Variants in RERE observed in about 807,000 individuals in gnomAD.
The protein encoded by RERE is arginine-glutamic acid dipeptide repeats protein.
RERE carries 40 observed loss-of-function variants against 146.1 expected under a neutral mutation model. The observed-to-expected ratio is 0.27, with a 90% confidence interval of 0.21 to 0.36. The LOEUF is 0.36. Ranked by LOEUF, RERE falls within the 10% of genes least tolerant of loss-of-function variation. RERE has a pLI of 1.00. For missense variants in RERE, 1,933 were observed against 2,138.7 expected (o/e 0.90, Z 1.90); for synonymous variants, 1,003 against 866.0 (o/e 1.16, Z -2.78).
At position 8,356,149 on chromosome 1, in the gene RERE, C is replaced by T. The variant is rs1301631622; in HGVS notation, c.4437G>A (p.Leu1479=). The change falls in exon 21 of 23, where the codon CTG becomes CTA. Residue 1479 remains leucine (L), a synonymous_variant. Coordinates refer to ENST00000400908, the MANE Select transcript of RERE (RefSeq NM_001042681.2). The surrounding 1 kb of genome is among the most constrained non-coding windows in gnomAD (Gnocchi z 5.2). ...PYPPGTLPNP[L]LGQPPHEHEM... ...CGTGCTCGTGTGGGGGCTGTCCAAG[C>T]AGAGGGTTGGGGAGAGTGCCAGGCG... is the stretch of plus-strand genomic sequence containing the variant. 2 of 1,513,316 alleles carry T rather than the reference C, an allele frequency of 1.3e-6. No homozygotes were observed. The highest frequency in any genetic ancestry group is 1.8e-6 in the Non-Finnish European group (2 of 1,136,060). The allele number at this position is 1,513,316 out of a possible 1,614,324, so 93.7% of individuals were successfully genotyped here.
chr1:8,525,679 G>C (rs1645561799), intron 7 of RERE: 2 of 1,385,672 alleles, frequency 1.4e-6, no homozygotes, highest in Non-Finnish European at 1.9e-6. Flanking sequence ...ATGATGAAAT[G>C]ATTCATAAAC....
At chr1:8,522,519 T>C (rs1476850243) in intron 7 of RERE, among the ~76,000 whole-genome samples, 2 of 152,184 alleles carry the variant, frequency 1.3e-5, no homozygotes, top group Non-Finnish European at 2.9e-5. Flanking sequence ...ATTAGAGTCT[T>C]CTAATTCATA....
intron 1 of RERE, among the ~76,000 whole-genome samples, chr1:8,677,425 C>CAAAAAAAA (rs33947474): frequency 2.1e-5 from 2 of 93,746 alleles, no homozygotes. Context: ...GTCTCCGTCT[C>CAAAAAAAA]AAAAAAAAAA....
chr1:8,792,250 A>G (rs1252417965), intron 1 of RERE, among the ~76,000 whole-genome samples: 1 of 152,230 alleles, frequency 6.6e-6, no homozygotes, highest in Non-Finnish European at 1.5e-5. Flanking sequence ...AACAAACATA[A>G]GTTCAGTAAT....
At chr1:8,552,365 T>C (rs1489012424) in intron 6 of RERE, among the ~76,000 whole-genome samples, 1 of 152,224 alleles carries the variant, frequency 6.6e-6, no homozygotes, top group Non-Finnish European at 1.5e-5. Context: ...AACCGAGCCC[T>C]TTGATCTTCA....
chr1:8,789,301 A>AAAAAAAAAAAAAT lies in RERE; in HGVS notation c.-145+27858_-145+27859insATTTTTTTTTTTT. On this transcript the variant is annotated intron_variant, in intron 1 of 22. Coordinates refer to ENST00000400908, the MANE Select transcript of RERE (RefSeq NM_001042681.2). Reference sequence around the variant, plus strand: ...CTCTACCAAAAAAAAAAAAAAAAAAAATATATATATATATATATATATATG... The same window carrying AAAAAAAAAAAAAT: ...CTCTACCAAAAAAAAAAAAAAAAAAAAAAAAAAAAAAATATATATATATATATATATATATATG... 9.6e-3 allele frequency among the ~76,000 whole-genome samples: 238 copies of AAAAAAAAAAAAAT among 24,776 alleles called. 8 individuals are homozygous for AAAAAAAAAAAAAT. The highest frequency in any genetic ancestry group is 0.021 in the Middle Eastern group (1 of 48). The allele number at this position is 24,776 out of a possible 152,430, so 16.3% of individuals were successfully genotyped here. A position where few individuals can be genotyped will look rare whatever the true frequency, so the allele number is the denominator to read the frequency against.
intron 1 of RERE, among the ~76,000 whole-genome samples, chr1:8,722,277 A>G (rs983192677): frequency 1.3e-5 from 2 of 152,224 alleles, no homozygotes; most frequent in African/African-American, 4.8e-5. Context: ...CCCCTTGGCT[A>G]TCAAACCAAT....
chr1:8,590,956 T>C (rs1646485188), intron 4 of RERE: 1 of 152,200 alleles, frequency 6.6e-6, no homozygotes, highest in Non-Finnish European at 1.5e-5. Flanking sequence ...CTGCAAACTA[T>C]CCCGACTGCA....
At chr1:8,390,949 A>G (rs530846347) in intron 12 of RERE, among the ~76,000 whole-genome samples, 3 of 151,814 alleles carry the variant, frequency 2.0e-5, no homozygotes, top group Non-Finnish European at 4.4e-5. Context: ...AAACAAAACA[A>G]AACAAAAAAA....
chr1:8,358,639 A>C lies in RERE; in HGVS notation c.3896T>G (p.Ile1299Ser). 1 of 1,586,228 alleles carries C rather than the reference A, an allele frequency of 6.3e-7. No individual in the cohort carries two copies. Among genetic ancestry groups the C allele is most frequent in the Non-Finnish European group, 8.6e-7 (1 of 1,166,778 alleles). ...CCGCTCCCGGAGCTCCCGCTCGCGG[A>C]TGGTGGGGTCGACGTTGTAGAGGCC... is the stretch of plus-strand genomic sequence containing the variant. The part of the protein sequence containing the change: ...MPGLYNVDPT[I>S]RERELREREI... The change falls in exon 20 of 23, where the codon ATC becomes AGC. Residue 1299 changes from isoleucine (I) to serine (S), a missense_variant. Around this residue, in one of 11 missense-constraint regions of RERE, gnomAD observed 1,255 missense variants for 1,153.8 expected, o/e 1.09. Transcript: ENST00000400908.
intron 11 of RERE, among the ~76,000 whole-genome samples, chr1:8,444,218 G>A (rs999874704): frequency 1.3e-5 from 2 of 152,224 alleles, no homozygotes; most frequent in Admixed American, 6.5e-5. Context: ...CCAGGCTGTG[G>A]CAAATGGAGT....
At chr1:8,442,181 T>C (rs1644258285) in intron 11 of RERE, among the ~76,000 whole-genome samples, 1 of 152,066 alleles carries the variant, frequency 6.6e-6, no homozygotes. Context: ...GGTCAGGAGT[T>C]CAAGACCAGC....
At chr1:8,750,598 T>G in intron 1 of RERE, 3 of 1,000,030 alleles carry the variant, frequency 3.0e-6, no homozygotes, top group Non-Finnish European at 4.7e-6. Context: ...CAAAGCACTA[T>G]CACAAGGAAT....
intron 11 of RERE, among the ~76,000 whole-genome samples, chr1:8,458,673 T>C (rs1233953311): frequency 6.6e-6 from 1 of 152,184 alleles, no homozygotes; most frequent in African/African-American, 2.4e-5. Flanking sequence ...CTGGGGATGA[T>C]GGACTTAAAA....
At chr1:8,535,302 C>T (rs1645710403) in intron 7 of RERE, among the ~76,000 whole-genome samples, 1 of 152,120 alleles carries the variant, frequency 6.6e-6, no homozygotes, top group South Asian at 2.1e-4. Flanking sequence ...TAATGCCAAA[C>T]AAGATCCTTC....
intron 1 of RERE, among the ~76,000 whole-genome samples, chr1:8,731,310 G>A (rs185431465): frequency 9.3e-4 from 141 of 152,264 alleles, no homozygotes; most frequent in Non-Finnish European, 1.5e-3. Flanking sequence ...GGCAGGGAGA[G>A]GGGAAAGTAA....
intron 4 of RERE, among the ~76,000 whole-genome samples, chr1:8,568,473 A>G (rs966507679): frequency 6.6e-6 from 1 of 152,336 alleles, no homozygotes. Flanking sequence ...GGCCTTTAAG[A>G]GGTGATTAGA....
chr1:8,465,285 CA>C, intron 11 of RERE: 1 of 165,742 alleles, frequency 6.0e-6, no homozygotes, highest in South Asian at 1.5e-4. Context: ...CAGGCCACAG[CA>C]ATACAATCAG....
chr1:8,527,147 A>C (rs986245082), intron 7 of RERE, among the ~76,000 whole-genome samples: 2 of 152,210 alleles, frequency 1.3e-5, no homozygotes, highest in Non-Finnish European at 2.9e-5. Context: ...TAAATTCTGA[A>C]ACTATGATTC....
Sources: allele counts gnomAD v4.1 joint callset (sites outside exome capture counted in the v4.1 genomes callset), GRCh38; gene constraint gnomAD v4.1.1; regional missense constraint gnomAD v4.1.1; non-coding constraint Gnocchi (gnomAD v3.1); transcripts MANE v1.5; gene names NCBI Gene and HGNC (gene_info 2026-07-23, HGNC 2026-07-21).